Variants in PCDH15 observed in about 807,000 individuals in gnomAD.
PCDH15 encodes the protein protocadherin related 15.
Under a neutral mutation model 178.5 loss-of-function variants are expected in PCDH15, and 129 were observed. That is an observed-to-expected ratio of 0.72 (90% CI 0.63 to 0.84). The LOEUF is 0.84. Ranked by LOEUF, PCDH15 falls within the 40% of genes least tolerant of loss-of-function variation. The probability of loss-of-function intolerance (pLI) is 0.00; values close to 1 mark genes in which losing one functional copy is unlikely to be tolerated. For missense variants in PCDH15, 2,230 were observed against 2,099.9 expected (o/e 1.06, Z -1.21); for synonymous variants, 800 against 732.0 (o/e 1.09, Z -1.50).
Position 54,203,937 on chromosome 10 carries a change from G to A in PCDH15, c.1099-8048C>T, listed in dbSNP as rs1212468713. ...TTTGCTTTGGTTAATTTTGCTGGAG[G>A]GCTAAATTATATATCCTGTCTTTCT... On this transcript the variant is annotated intron_variant, in intron 10 of 37. Transcript: ENST00000644397. 5.9e-5 allele frequency among the ~76,000 whole-genome samples: 9 copies of A among 152,098 alleles called. No homozygotes were observed. In the South Asian group the frequency reaches 1.7e-3, roughly 28 times the overall value.
rs893216164 is a variant in PCDH15, at chr10:54,132,984, A to G, written c.1808T>C (p.Ile603Thr). Residue 603 changes from isoleucine to threonine, a missense_variant, in exon 15 of 38, where the codon ATT becomes ACT. Coordinates refer to ENST00000644397, the MANE Select transcript of PCDH15 (RefSeq NM_001384140.1). ...ERRNSICTVY[I>T]EVLPPNNQSP... ...TTGATTATTTGGTGGAAGCACTTCAATATACACAGTGCAGATGGAGTTCCT... is the reference window on the plus strand; with the variant it reads ...TTGATTATTTGGTGGAAGCACTTCAGTATACACAGTGCAGATGGAGTTCCT... The G allele has an allele frequency of 1.3e-5, 21 of 1,614,108 alleles. No homozygotes were observed. Among genetic ancestry groups the G allele is most frequent in the Middle Eastern group, 3.3e-4 (2 of 6,062 alleles).
At chr10:54,810,110 A>C (rs1413926805) in intron 3 of PCDH15, among the ~76,000 whole-genome samples, 3 of 152,118 alleles carry the variant, frequency 2.0e-5, no homozygotes, top group Non-Finnish European at 4.4e-5. Context: ...CCCCCCAAAA[A>C]TGAATGCTCA....
At chr10:55,034,062 C>T in intron 2 of PCDH15, among the ~76,000 whole-genome samples, 1 of 142,822 alleles carries the variant, frequency 7.0e-6, no homozygotes, top group East Asian at 2.2e-4. Context: ...ACTTCCCAAC[C>T]TTTAGAACTC....
At chr10:55,228,386 T>C (rs1016610118) in intron 1 of PCDH15, among the ~76,000 whole-genome samples, 1 of 152,004 alleles carries the variant, frequency 6.6e-6, no homozygotes, top group Non-Finnish European at 1.5e-5. Context: ...GGAACCAGTA[T>C]AGGAGTAGTA....
At chr10:55,147,306 C>G (rs541253951) in intron 2 of PCDH15, among the ~76,000 whole-genome samples, 1 of 151,206 alleles carries the variant, frequency 6.6e-6, no homozygotes, top group African/African-American at 2.4e-5. Flanking sequence ...ATTTTCATAG[C>G]TATTTTAGAA....
intron 3 of PCDH15, among the ~76,000 whole-genome samples, chr10:54,846,906 G>A (rs754922327): frequency 1.3e-5 from 2 of 152,142 alleles, no homozygotes; most frequent in South Asian, 2.1e-4. Context: ...ATTTGAGTAC[G>A]ATATAAGGTA....
intron 3 of PCDH15, among the ~76,000 whole-genome samples, chr10:54,441,734 A>C (rs1250651832): frequency 4.0e-5 from 6 of 151,818 alleles, no homozygotes; most frequent in Non-Finnish European, 8.8e-5. Context: ...ACGTGTATTT[A>C]TTGACTTCCC....
chr10:54,141,342 A>G (rs2043388071), intron 14 of PCDH15, among the ~76,000 whole-genome samples: 1 of 152,128 alleles, frequency 6.6e-6, no homozygotes, highest in Non-Finnish European at 1.5e-5. Context: ...AGCTATGATA[A>G]TTTTAAGGTT....
intron 20 of PCDH15, among the ~76,000 whole-genome samples, chr10:54,019,126 C>G (rs114279455): frequency 0.01 from 1,568 of 152,056 alleles, 18 homozygotes; most frequent in African/African-American, 0.035. Flanking sequence ...CCTTTTTCAT[C>G]ATTCCAAGTC....
intron 21 of PCDH15, among the ~76,000 whole-genome samples, chr10:53,980,036 T>C (rs1170293492): frequency 2.0e-5 from 3 of 152,016 alleles, no homozygotes; most frequent in Non-Finnish European, 4.4e-5. Context: ...CTGGCCAACA[T>C]GGTGAAACTC....
chr10:55,270,360 T>G (rs1842410948), intron 1 of PCDH15, among the ~76,000 whole-genome samples: 1 of 151,306 alleles, frequency 6.6e-6, no homozygotes, highest in Admixed American at 6.6e-5. Flanking sequence ...ACCTACCAAA[T>G]GGGAGAAAAT....
At chr10:53,815,395 A>C (rs12783799) in intron 35 of PCDH15, among the ~76,000 whole-genome samples, 10,019 of 152,188 alleles carry the variant, frequency 0.066, 398 homozygotes, top group East Asian at 0.12. Flanking sequence ...TGTTCAGCAG[A>C]TGTGTATCTT....
chr10:54,244,876 A>G (rs566904212), intron 8 of PCDH15, among the ~76,000 whole-genome samples: 1 of 152,324 alleles, frequency 6.6e-6, no homozygotes, highest in South Asian at 2.1e-4. Flanking sequence ...CATGAAGATA[A>G]GGAGACAATC....
chr10:54,469,024 A>G (rs914158181), intron 3 of PCDH15, among the ~76,000 whole-genome samples: 6 of 152,030 alleles, frequency 3.9e-5, no homozygotes, highest in Non-Finnish European at 7.4e-5. Flanking sequence ...CATTCAATCT[A>G]TATGTTTCTT....
chr10:55,019,770 T>C (rs932042075), intron 2 of PCDH15, among the ~76,000 whole-genome samples: 4 of 152,160 alleles, frequency 2.6e-5, no homozygotes, highest in Admixed American at 2.6e-4. Flanking sequence ...CTCACTTCTG[T>C]AAATTAATCC....
chr10:55,121,611 A>C (rs1591919030), intron 2 of PCDH15, among the ~76,000 whole-genome samples: 2 of 152,122 alleles, frequency 1.3e-5, no homozygotes, highest in East Asian at 3.9e-4. Flanking sequence ...CCAATGTGAT[A>C]GTATTAAGAG....
Position 55,579,748 on chromosome 10 carries a change from C to A in PCDH15, c.-156+47877G>T, listed in dbSNP as rs149411031. On this transcript the variant is annotated intron_variant, in intron 2 of 5. Transcript: ENST00000613346. Reference sequence around the variant, plus strand: ...ATTAACCAATGTCCCTTTGCCCTCACCCTCCACTCTTATTCATCCATTCAC... The same window carrying A: ...ATTAACCAATGTCCCTTTGCCCTCAACCTCCACTCTTATTCATCCATTCAC... 5.8e-3 allele frequency among the ~76,000 whole-genome samples: 885 copies of A among 152,274 alleles called. 9 individuals are homozygous for A. Among genetic ancestry groups the A allele is most frequent in the African/African-American group, 0.021 (854 of 41,546 alleles).
At chr10:55,381,996 G>T (rs1446684100) in intron 2 of PCDH15, among the ~76,000 whole-genome samples, 1 of 152,084 alleles carries the variant, frequency 6.6e-6, no homozygotes, top group African/African-American at 2.4e-5. Flanking sequence ...GATCCTAAAA[G>T]AAATTTGTTT....
At chr10:55,068,279 A>T (rs911447379) in intron 2 of PCDH15, among the ~76,000 whole-genome samples, 2 of 152,056 alleles carry the variant, frequency 1.3e-5, no homozygotes, top group African/African-American at 4.8e-5. Flanking sequence ...ATTTTTGTAT[A>T]TGATGGGAGA....
Sources: gnomAD v4.1 joint callset for allele counts (sites outside exome capture counted in the v4.1 genomes callset) on GRCh38, gnomAD v4.1.1 for gene constraint, MANE v1.5 for transcripts, NCBI Gene and HGNC (gene_info 2026-07-23, HGNC 2026-07-21) for gene names.